PTPRN2: variants seen among roughly 807,000 people sequenced by gnomAD.
PTPRN2 encodes protein tyrosine phosphatase receptor type N2.
A neutral mutation model predicts 118.8 loss-of-function variants in PTPRN2; 74 were observed. The observed-to-expected ratio is 0.62, with a 90% CI of 0.52 to 0.76. The LOEUF (loss-of-function observed/expected upper bound fraction) is 0.76. PTPRN2 is among the 30% of genes least tolerant of loss of function. PTPRN2 has a pLI of 0.00. For synonymous variants in PTPRN2, 641 were observed against 608.0 expected (o/e 1.05, Z -0.80); for missense variants, 1,481 against 1,394.4 (o/e 1.06, Z -0.99).
intron 12 of PTPRN2, among the ~76,000 whole-genome samples, chr7:157,788,329 T>C (rs1317822853): frequency 7.0e-6 from 1 of 142,364 alleles, no homozygotes; most frequent in Non-Finnish European, 1.5e-5. Flanking sequence ...GAGCTGAGAT[T>C]GCACCACTGC....
rs372429926 is a variant in PTPRN2 at position 157,846,644 on chromosome 7, TAC to T, written c.1788+52027_1788+52028del. 1.6e-3 allele frequency among the ~76,000 whole-genome samples: 246 copies of T among 152,086 alleles called. 2 individuals carry two copies. The highest frequency in any genetic ancestry group is 5.7e-3 in the African/African-American group (234 of 41,414). On this transcript the variant is annotated intron_variant, in intron 12 of 22. Transcript: ENST00000389418. ...CTGTGCTGCAGGTGTGTCTGATGTT[TAC>T]AGAGACCTCTCTCGCTCCATCATGC... is the stretch of plus-strand genomic sequence containing the variant.
At chr7:157,883,370 A>T (rs986432180) in intron 12 of PTPRN2, among the ~76,000 whole-genome samples, 2 of 151,722 alleles carry the variant, frequency 1.3e-5, no homozygotes, top group Non-Finnish European at 2.9e-5. Flanking sequence ...ACACCCCAAA[A>T]ATGACTGTTG....
chr7:157,915,324 C>T (rs956512936), intron 11 of PTPRN2, among the ~76,000 whole-genome samples: 6 of 152,132 alleles, frequency 3.9e-5, no homozygotes, highest in African/African-American at 9.7e-5. Context: ...CACCTGGGAG[C>T]GTTTGAAGCT....
chr7:157,696,825 A>T, intron 12 of PTPRN2, among the ~76,000 whole-genome samples: 1 of 121,352 alleles, frequency 8.2e-6, no homozygotes, highest in African/African-American at 3.2e-5. Flanking sequence ...CTACACATGC[A>T]TACTGGGTCT....
chr7:158,481,733 A>G (rs1473764749), intron 2 of PTPRN2, among the ~76,000 whole-genome samples: 1 of 152,208 alleles, frequency 6.6e-6, no homozygotes, highest in Non-Finnish European at 1.5e-5. Context: ...AAGTGCTGGG[A>G]TTACAGACAT....
chr7:158,131,636 CAT>C (rs1455552615), intron 9 of PTPRN2, among the ~76,000 whole-genome samples: 3 of 151,784 alleles, frequency 2.0e-5, no homozygotes, highest in Non-Finnish European at 2.9e-5. Context: ...CATACACACT[CAT>C]ACACACATGC....
At chr7:157,852,705 C>G (rs1280366646) in intron 12 of PTPRN2, among the ~76,000 whole-genome samples, 1 of 151,890 alleles carries the variant, frequency 6.6e-6, no homozygotes, top group Non-Finnish European at 1.5e-5. Flanking sequence ...CCCGTCTCTA[C>G]TAAAAACACA....
chr7:158,175,899 G>A (rs980245391), intron 5 of PTPRN2, among the ~76,000 whole-genome samples: 5 of 152,132 alleles, frequency 3.3e-5, no homozygotes, highest in Non-Finnish European at 7.4e-5. Flanking sequence ...GACACCATGA[G>A]GCCAGTGCTG....
chr7:158,215,318 A>G (rs532461221), intron 3 of PTPRN2, among the ~76,000 whole-genome samples: 19 of 152,318 alleles, frequency 1.2e-4, no homozygotes, highest in Middle Eastern at 3.4e-3. Flanking sequence ...CTCAATGTCA[A>G]CAACACAGAG....
intron 3 of PTPRN2, among the ~76,000 whole-genome samples, chr7:158,223,479 T>C (rs1414128620): frequency 6.6e-6 from 1 of 152,156 alleles, no homozygotes; most frequent in African/African-American, 2.4e-5. Flanking sequence ...ATCATGAGGT[T>C]TATTCCAGGA....
intron 11 of PTPRN2, among the ~76,000 whole-genome samples, chr7:157,945,838 C>T (rs1191244234): frequency 6.6e-6 from 1 of 152,112 alleles, no homozygotes; most frequent in African/African-American, 2.4e-5. Flanking sequence ...AGCCACACCA[C>T]TTCCTGGCTT....
intron 3 of PTPRN2, among the ~76,000 whole-genome samples, chr7:158,229,549 A>T (rs1270496016): frequency 2.0e-5 from 3 of 152,114 alleles, no homozygotes; most frequent in Non-Finnish European, 4.4e-5. Context: ...AACAATTTTT[A>T]AAAATTCAAA....
In PTPRN2 at chr7:158,192,506, A is replaced by C. The variant is rs1415818686; in HGVS notation, c.381-11T>G. 1 of 1,572,908 alleles carries C rather than the reference A, an allele frequency of 6.4e-7. No individual in the cohort carries two copies. Among genetic ancestry groups the C allele is most frequent in the Non-Finnish European group, 8.6e-7 (1 of 1,163,864 alleles). On this transcript the variant is annotated splice_polypyrimidine_tract_variant and intron_variant, in intron 4 of 22. Transcript: ENST00000389418. The stretch of plus-strand genomic sequence containing the variant: ...CTGTGTTTTGAGGGCCTGAAAAAGC[A>C]AAAGAAACCAGACATCAACCGCATG...
rs372303882 is a variant in PTPRN2, at chr7:158,506,959, T to G, written c.113-17174A>C. On this transcript the variant is annotated intron_variant, in intron 1 of 22. Transcript: ENST00000389418. ...AGGACACCGCTCTGGTTCGGGGTGG[T>G]TTGATGGCTGGCCAATACCAGGGAT... Among the ~76,000 whole-genome samples, 102 of 152,084 alleles carry G rather than the reference T, an allele frequency of 6.7e-4. 1 individual carries two copies. The South Asian group carries it at 0.021, about 31-fold the overall frequency.
rs1197466438 is a variant in PTPRN2 at position 158,270,806 on chromosome 7, T to TCCACCTGGACCGCCCCCTC, written c.277+46012_277+46013insGAGGGGGCGGTCCAGGTGG. 4.7e-4 allele frequency among the ~76,000 whole-genome samples: 3 copies of TCCACCTGGACCGCCCCCTC among 6,398 alleles called. 1 individual carries two copies. Among genetic ancestry groups the TCCACCTGGACCGCCCCCTC allele is most frequent in the Non-Finnish European group, 9.9e-4 (3 of 3,018 alleles). 4.2% of individuals were successfully genotyped at this position (6,398 alleles called of 152,430 possible). A position where few individuals can be genotyped will look rare whatever the true frequency, so the allele number is the denominator to read the frequency against. Reference sequence around the variant, plus strand: ...CCACCCCTCCACCTGGACCACCCCCTCACCTGGACCGCCCCCTCCACCTGG... The same window carrying TCCACCTGGACCGCCCCCTC: ...CCACCCCTCCACCTGGACCACCCCCTCCACCTGGACCGCCCCCTCCACCTGGACCGCCCCCTCCACCTGG... On this transcript the variant is annotated intron_variant, in intron 3 of 22. Transcript: ENST00000389418.
chr7:158,585,778 C>A (rs974387233), intron 1 of PTPRN2, among the ~76,000 whole-genome samples: 2 of 152,218 alleles, frequency 1.3e-5, no homozygotes, highest in South Asian at 2.1e-4. Context: ...CAGCTCACAC[C>A]ATAATGACCT....
At chr7:157,892,156 C>T (rs1448357322) in intron 12 of PTPRN2, among the ~76,000 whole-genome samples, 1 of 151,296 alleles carries the variant, frequency 6.6e-6, no homozygotes, top group Non-Finnish European at 1.5e-5. Context: ...GTGTCTATCA[C>T]GATGCTTAGA....
intron 2 of PTPRN2, among the ~76,000 whole-genome samples, chr7:158,406,810 G>A (rs115996450): frequency 0.011 from 1,623 of 152,254 alleles, 18 homozygotes; most frequent in Non-Finnish European, 0.015. Flanking sequence ...TTTGTGTTTC[G>A]GCTCATTTCG....
intron 3 of PTPRN2, among the ~76,000 whole-genome samples, chr7:158,299,054 G>A (rs1586167753): frequency 6.6e-6 from 1 of 152,160 alleles, no homozygotes; most frequent in South Asian, 2.1e-4. Context: ...CCTCCCTGCA[G>A]ACACTAATGG....
Sources: gnomAD v4.1 joint callset for allele counts (sites outside exome capture counted in the v4.1 genomes callset) on GRCh38, gnomAD v4.1.1 for gene constraint, MANE v1.5 for transcripts, NCBI Gene and HGNC (gene_info 2026-07-23, HGNC 2026-07-21) for gene names.